Variants in MICU1 observed in about 807,000 individuals in gnomAD.
MICU1 encodes calcium uptake protein 1, mitochondrial.
In MICU1, 45 loss-of-function variants were observed where a neutral mutation model predicts 56.8. That is an observed-to-expected ratio of 0.79 (90% CI 0.62 to 1.02). MICU1 has a LOEUF of 1.02. Among genes scored for constraint, MICU1 ranks in the 50% least tolerant of loss-of-function variants. The pLI is 0.00. For missense variants in MICU1, 504 were observed against 587.1 expected, an observed-to-expected ratio of 0.86 and a Z score of 1.46; for synonymous variants, 186 against 195.1, an observed-to-expected ratio of 0.95 and a Z score of 0.39.
chr10:72,451,479 G>A (rs1453096755), intron 8 of MICU1, among the ~76,000 whole-genome samples: 1 of 152,104 alleles, frequency 6.6e-6, no homozygotes, highest in Non-Finnish European at 1.5e-5. Flanking sequence ...CTCAAAGGCA[G>A]CAGAGATCTA....
intron 1 of MICU1, among the ~76,000 whole-genome samples, chr10:72,619,727 G>C (rs973903015): frequency 1.3e-5 from 2 of 152,182 alleles, no homozygotes; most frequent in African/African-American, 4.8e-5. Flanking sequence ...TGAGGGTAGA[G>C]GGAGGTTCTA....
chr10:72,567,752 C>T (rs983752622), intron 1 of MICU1, among the ~76,000 whole-genome samples: 8 of 152,092 alleles, frequency 5.3e-5, no homozygotes, highest in African/African-American at 1.9e-4. Flanking sequence ...CATTGAGTGT[C>T]CCACTAGTTC....
At chr10:72,506,449 A>G (rs564817385) in intron 6 of MICU1, among the ~76,000 whole-genome samples, 3 of 152,362 alleles carry the variant, frequency 2.0e-5, no homozygotes, top group East Asian at 3.9e-4. Context: ...TTTCTGCTAC[A>G]TCATGGCTAT....
intron 8 of MICU1, among the ~76,000 whole-genome samples, chr10:72,458,487 T>C (rs1372970165): frequency 6.6e-6 from 1 of 152,186 alleles, no homozygotes; most frequent in Non-Finnish European, 1.5e-5. Flanking sequence ...TCCAGTTGCG[T>C]ATACTGGAAA....
rs548087733 is a variant in MICU1, at chr10:72,592,021, T to G, written c.-1-25227A>C. Among the ~76,000 whole-genome samples the G allele has an allele frequency of 7.3e-5, 11 of 150,808 alleles. 1 individual carries two copies. In the South Asian group the frequency reaches 2.3e-3, roughly 32 times the overall value. ...TGAGGCCCTGGTTTTTTTGTTTTTT[T>G]TTTTTTGAGACAGAGCCTCGCTCTG... On this transcript the variant is annotated intron_variant, in intron 1 of 11. Coordinates refer to ENST00000361114, the MANE Select transcript of MICU1 (RefSeq NM_001195518.2).
chr10:72,524,878 C>G, intron 5 of MICU1: 1 of 508,112 alleles, frequency 2.0e-6, no homozygotes, highest in East Asian at 3.5e-5. Context: ...CACTGAACAC[C>G]TGGAAGTAGG....
intron 4 of MICU1, among the ~76,000 whole-genome samples, chr10:72,539,581 C>G (rs780551096): frequency 6.6e-6 from 1 of 151,778 alleles, no homozygotes; most frequent in African/African-American, 2.4e-5. Context: ...TGGAATATAC[C>G]AAAAACAATT....
At chr10:72,483,755 G>T in intron 6 of MICU1, 1 of 156,562 alleles carries the variant, frequency 6.4e-6, no homozygotes, top group Non-Finnish European at 1.4e-5. Context: ...AAGCGGAGCA[G>T]TACAGTTGAA....
At chr10:72,526,513 C>T (rs973532156) in intron 5 of MICU1, among the ~76,000 whole-genome samples, 2 of 152,116 alleles carry the variant, frequency 1.3e-5, no homozygotes, top group Non-Finnish European at 2.9e-5. Context: ...TCAGGCTGGT[C>T]TCGAACTCCT....
intron 10 of MICU1, among the ~76,000 whole-genome samples, chr10:72,397,307 G>A (rs925800888): frequency 1.3e-5 from 2 of 152,094 alleles, no homozygotes; most frequent in Admixed American, 6.6e-5. Flanking sequence ...AGAAACAACC[G>A]ATACCAGCCA....
At chr10:72,622,653 T>C (rs1258769261) in intron 1 of MICU1, among the ~76,000 whole-genome samples, 1 of 152,192 alleles carries the variant, frequency 6.6e-6, no homozygotes, top group Non-Finnish European at 1.5e-5. Context: ...TTTTCCACAC[T>C]GAATCCCAAA....
chr10:72,620,991 G>T (rs970181609), intron 1 of MICU1, among the ~76,000 whole-genome samples: 6 of 152,158 alleles, frequency 3.9e-5, no homozygotes, highest in Admixed American at 6.6e-5. Context: ...GGGAAGCCAA[G>T]GCAGGCGGAA....
chr10:72,470,352 C>A (rs191969353), intron 8 of MICU1, among the ~76,000 whole-genome samples: 4 of 152,176 alleles, frequency 2.6e-5, no homozygotes, highest in Non-Finnish European at 5.9e-5. Context: ...TTCTACTGGA[C>A]GTCTTCGTCC....
chr10:72,434,135 CA>C (rs1864633212), intron 8 of MICU1, among the ~76,000 whole-genome samples: 1 of 151,752 alleles, frequency 6.6e-6, no homozygotes. Flanking sequence ...AATTCAGTTC[CA>C]AAACAAAGAA....
chr10:72,391,927 A>T (rs1045428185), intron 10 of MICU1: 1 of 152,140 alleles, frequency 6.6e-6, no homozygotes, highest in African/African-American at 2.4e-5. Flanking sequence ...GGGTGAAAAC[A>T]GCTAATCCCT....
chr10:72,594,036 C>G (rs1841300704), intron 1 of MICU1, among the ~76,000 whole-genome samples: 1 of 152,184 alleles, frequency 6.6e-6, no homozygotes, highest in Admixed American at 6.6e-5. Context: ...CATACAGAAT[C>G]TCAAGAGACT....
intron 9 of MICU1, 135 bp downstream of exon 9, chr10:72,423,099 C>A: frequency 8.4e-7 from 1 of 1,190,944 alleles, no homozygotes; most frequent in Non-Finnish European, 1.2e-6. Flanking sequence ...TCCCTACGGA[C>A]CTCAGGTACC....
rs181539386 is a variant in MICU1, at chr10:72,483,883, C to T, written c.653-6627G>A. The T allele has an allele frequency of 7.2e-5, 11 of 152,292 alleles. 1 individual carries two copies. Among genetic ancestry groups the T allele is most frequent in the African/African-American group, 2.4e-4 (10 of 41,548 alleles). The allele number at this position is 152,292 out of a possible 1,614,324, so 9.4% of individuals were successfully genotyped here. On this transcript the variant is annotated intron_variant, in intron 6 of 11. Coordinates refer to ENST00000361114, the MANE Select transcript of MICU1 (RefSeq NM_001195518.2). ...AAAACAACAAAAAACAAAAAAACCA[C>T]ATAGACTGTAATTGATTACAAAAGA...
chr10:72,592,596 T>C (rs1382473595), intron 1 of MICU1, among the ~76,000 whole-genome samples: 2 of 151,976 alleles, frequency 1.3e-5, no homozygotes, highest in East Asian at 3.9e-4. Context: ...GCAAACCAAA[T>C]GCAGCAGCAT....
Sources: gnomAD v4.1 joint callset for allele counts (sites outside exome capture counted in the v4.1 genomes callset) on GRCh38, gnomAD v4.1.1 for gene constraint, MANE v1.5 for transcripts, NCBI Gene and HGNC (gene_info 2026-07-23, HGNC 2026-07-21) for gene names.